The following QRFPR variants were observed in gnomAD, a reference collection of about 807,000 sequenced individuals.
QRFPR encodes pyroglutamylated RF-amide peptide receptor.
Under a neutral mutation model 31.3 loss-of-function variants are expected in QRFPR, and 37 were observed. The observed-to-expected ratio is 1.18, with a 90% CI of 0.91 to 1.56. QRFPR has a LOEUF of 1.56. Ranked by LOEUF, QRFPR falls within the 40% of genes most tolerant of loss-of-function variation. QRFPR has a pLI of 0.00. For missense variants in QRFPR, 542 were observed against 532.5 expected, an observed-to-expected ratio of 1.02 and a Z score of -0.18; for synonymous variants, 197 against 192.0, an observed-to-expected ratio of 1.03 and a Z score of -0.22.
In QRFPR at chr4:121,364,450, C is replaced by G. The variant is rs1158183644; in HGVS notation, c.340+15858G>C. ...AGGAGATCGAGACTATCTTAGCTAA[C>G]ATGGTGAACCCCTGTCTCTACTAAA... On this transcript the variant is annotated intron_variant, in intron 1 of 5. Transcript: ENST00000394427. Among the ~76,000 whole-genome samples the G allele has an allele frequency of 1.3e-5, 2 of 149,428 alleles. 1 individual carries two copies. Among genetic ancestry groups the G allele is most frequent in the Non-Finnish European group, 3.0e-5 (2 of 67,440 alleles).
intron 1 of QRFPR, among the ~76,000 whole-genome samples, chr4:121,368,289 C>T (rs977844958): frequency 2.0e-5 from 3 of 150,106 alleles, no homozygotes; most frequent in Non-Finnish European, 4.4e-5. Flanking sequence ...TCCACATAAA[C>T]CTCAAGACTA....
intron 1 of QRFPR, among the ~76,000 whole-genome samples, chr4:121,362,793 C>T (rs1398905): frequency 0.3 from 44,933 of 149,448 alleles, 8,781 homozygotes; most frequent in Middle Eastern, 0.41. Flanking sequence ...CTAGACACTA[C>T]GAGAAAGACC....
intron 3 of QRFPR, among the ~76,000 whole-genome samples, chr4:121,335,716 A>G (rs141279716): frequency 4.7e-4 from 71 of 152,280 alleles, no homozygotes; most frequent in African/African-American, 1.6e-3. Flanking sequence ...GGGAAAAATT[A>G]TAAATTGATT....
At chr4:121,380,241 GAGAGAGATCCCCTGAAAGGC>G in intron 1 of QRFPR, 47 bp downstream of exon 1, 1 of 1,041,916 alleles carries the variant, frequency 9.6e-7, no homozygotes, top group Non-Finnish European at 1.4e-6. Flanking sequence ...GAGAGAGAGA[GAGAGAGATCCCCTGAAAGGC>G]AGAGGGTTAA....
chr4:121,380,292 G>C lies in QRFPR; in HGVS notation c.340+16C>G, dbSNP rs925774417. The stretch of plus-strand genomic sequence containing the variant: ...GTTAAGAGAGAAGGAGCGAAGGAGC[G>C]GGGCGCGACTCTTACCCCCCAGCCA... On this transcript the variant is annotated intron_variant, in intron 1 of 5. Transcript: ENST00000394427. 5 of 1,591,718 alleles carry C rather than the reference G, an allele frequency of 3.1e-6. No homozygotes were observed. Among genetic ancestry groups the C allele is most frequent in the African/African-American group, 2.7e-5 (2 of 74,168 alleles).
At chr4:121,352,880 C>A (rs1206998143) in intron 1 of QRFPR, among the ~76,000 whole-genome samples, 4 of 152,044 alleles carry the variant, frequency 2.6e-5, no homozygotes, top group African/African-American at 9.7e-5. Context: ...TTTCACACTA[C>A]CCTTTCTCTG....
chr4:121,330,421 C>T lies in QRFPR; in HGVS notation c.895+5G>A, dbSNP rs532884356. 3.2e-6 allele frequency: 5 copies of T among 1,583,386 alleles called. No individual in the cohort carries two copies. ...GTCTATCAAATGAGAATGACAAGCA[C>T]TCACTGTATTCAATCATCATATGGA... On this transcript the variant is annotated splice_donor_5th_base_variant and intron_variant, in intron 5 of 5. Coordinates refer to ENST00000394427, the MANE Select transcript of QRFPR (RefSeq NM_198179.3).
intron 1 of QRFPR, among the ~76,000 whole-genome samples, chr4:121,342,538 C>G (rs1400011481): frequency 1.3e-5 from 2 of 152,184 alleles, no homozygotes; most frequent in African/African-American, 2.4e-5. Context: ...TATCTCCTCT[C>G]ATTCCTCATT....
At chr4:121,331,336 A>C (rs1007959762) in intron 4 of QRFPR, among the ~76,000 whole-genome samples, 3 of 151,326 alleles carry the variant, frequency 2.0e-5, no homozygotes, top group African/African-American at 4.9e-5. Flanking sequence ...GGTGCATGCC[A>C]CTACACCCAG....
chr4:121,336,917 C>T (rs376514616), intron 2 of QRFPR, 49 bp from the exon 3 acceptor site: 7 of 1,465,554 alleles, frequency 4.8e-6, no homozygotes, highest in East Asian at 2.3e-5. Flanking sequence ...GAGTAAAACA[C>T]ATCCATGCAT....
intron 4 of QRFPR, among the ~76,000 whole-genome samples, chr4:121,331,939 C>T (rs531752291): frequency 3.3e-5 from 5 of 152,130 alleles, no homozygotes; most frequent in East Asian, 1.9e-4. Context: ...AGGCGTGAGC[C>T]GCTGCACCTG....
chr4:121,355,877 C>T (rs1259035347), intron 1 of QRFPR, among the ~76,000 whole-genome samples: 3 of 151,728 alleles, frequency 2.0e-5, no homozygotes, highest in African/African-American at 4.8e-5. Context: ...TCTAATGTTC[C>T]TCTTGTTATT....
intron 4 of QRFPR, among the ~76,000 whole-genome samples, chr4:121,331,897 C>T (rs186480272): frequency 2.2e-4 from 33 of 152,234 alleles, no homozygotes; most frequent in African/African-American, 7.7e-4. Flanking sequence ...AAGTGATCCA[C>T]CCACCTCGGC....
chr4:121,333,741 G>C (rs892724390), intron 3 of QRFPR, among the ~76,000 whole-genome samples: 1 of 152,166 alleles, frequency 6.6e-6, no homozygotes, highest in Non-Finnish European at 1.5e-5. Context: ...ATAAATAATA[G>C]AGAGTGCTTT....
At chr4:121,376,160 C>T (rs1726348802) in intron 1 of QRFPR, among the ~76,000 whole-genome samples, 2 of 152,112 alleles carry the variant, frequency 1.3e-5, no homozygotes, top group Admixed American at 6.5e-5. Context: ...CAACTCCACC[C>T]TCATATGAGT....
intron 1 of QRFPR, among the ~76,000 whole-genome samples, chr4:121,358,586 A>T (rs1425591161): frequency 1.3e-5 from 2 of 152,056 alleles, no homozygotes; most frequent in Non-Finnish European, 2.9e-5. Flanking sequence ...TTTATTCTTA[A>T]CAGAATAGTT....
chr4:121,376,989 GA>G (rs1246814163), intron 1 of QRFPR, among the ~76,000 whole-genome samples: 1 of 152,204 alleles, frequency 6.6e-6, no homozygotes, highest in Non-Finnish European at 1.5e-5. Flanking sequence ...TGGACTGAAA[GA>G]AGAATAAAAC....
At chr4:121,347,384 T>A (rs1459746453) in intron 1 of QRFPR, among the ~76,000 whole-genome samples, 1 of 152,136 alleles carries the variant, frequency 6.6e-6, no homozygotes, top group African/African-American at 2.4e-5. Flanking sequence ...AATTTATTGA[T>A]TTCAGATGAT....
intron 1 of QRFPR, among the ~76,000 whole-genome samples, chr4:121,351,858 A>G (rs1725767154): frequency 6.6e-6 from 1 of 150,492 alleles, no homozygotes; most frequent in South Asian, 2.1e-4. Flanking sequence ...AAAAAAAAAG[A>G]ATGTTTAAAT....
Sources: gnomAD v4.1 joint callset for allele counts (sites outside exome capture counted in the v4.1 genomes callset) on GRCh38, gnomAD v4.1.1 for gene constraint, MANE v1.5 for transcripts, NCBI Gene and HGNC (gene_info 2026-07-23, HGNC 2026-07-21) for gene names.